Variants in MACROD2 observed in about 807,000 individuals in gnomAD.
MACROD2 encodes the protein mono-ADP ribosylhydrolase 2.
In MACROD2, 36 loss-of-function variants were observed where a neutral mutation model predicts 70.4. That is an observed-to-expected ratio of 0.51 (90% confidence interval 0.39 to 0.68). The LOEUF (loss-of-function observed/expected upper bound fraction) is 0.68, where lower values mean the gene tolerates loss of function less well. Among genes scored for constraint, MACROD2 ranks in the 30% least tolerant of loss-of-function variants. The pLI is 0.00. For synonymous variants in MACROD2, 172 were observed against 178.8 expected (o/e 0.96, Z 0.30); for missense variants, 496 against 538.4 (o/e 0.92, Z 0.78).
At chr20:15,950,495 T>C (rs1168275051) in intron 12 of MACROD2, among the ~76,000 whole-genome samples, 1 of 152,150 alleles carries the variant, frequency 6.6e-6, no homozygotes, top group Non-Finnish European at 1.5e-5. Context: ...GTGGACCTGC[T>C]TCTTTAACCC....
intron 6 of MACROD2, among the ~76,000 whole-genome samples, chr20:15,307,954 G>GT (rs11394268): frequency 0.45 from 67,962 of 151,764 alleles, 15,722 homozygotes; most frequent in African/African-American, 0.57. Flanking sequence ...GATCTGTTCA[G>GT]TTTTTCTCAT....
At chr20:14,324,504 A>G (rs2082703855) in intron 3 of MACROD2, 1 of 152,596 alleles carries the variant, frequency 6.6e-6, no homozygotes. Context: ...AACCAGATCT[A>G]AATTTGATGT....
At chr20:15,693,725 T>G (rs927736271) in intron 8 of MACROD2, among the ~76,000 whole-genome samples, 2 of 152,166 alleles carry the variant, frequency 1.3e-5, no homozygotes, top group African/African-American at 4.8e-5. Context: ...TTATTATTAT[T>G]ATTTTCATAA....
chr20:14,534,607 T>C (rs1047430512), intron 4 of MACROD2, among the ~76,000 whole-genome samples: 3 of 152,274 alleles, frequency 2.0e-5, no homozygotes, highest in Non-Finnish European at 1.5e-5. Flanking sequence ...AGCATTTCAA[T>C]GTGTAGCATT....
chr20:14,077,987 C>T (rs1335693953), intron 2 of MACROD2, among the ~76,000 whole-genome samples: 1 of 150,944 alleles, frequency 6.6e-6, no homozygotes, highest in Non-Finnish European at 1.5e-5. Flanking sequence ...ACTGCAACCT[C>T]TGCCTCCTGG....
At chr20:14,041,128 A>T (rs898650153) in intron 2 of MACROD2, among the ~76,000 whole-genome samples, 3 of 152,190 alleles carry the variant, frequency 2.0e-5, no homozygotes, top group African/African-American at 7.2e-5. Flanking sequence ...CATCTGTAAA[A>T]CTATGTAGAT....
chr20:14,015,868 C>T (rs2052982547), intron 2 of MACROD2, among the ~76,000 whole-genome samples: 1 of 152,148 alleles, frequency 6.6e-6, no homozygotes, highest in Admixed American at 6.6e-5. Flanking sequence ...TCTGTTTATC[C>T]ATTTAACTGT....
intron 3 of MACROD2, among the ~76,000 whole-genome samples, chr20:14,392,136 T>C (rs1208133143): frequency 6.6e-6 from 1 of 152,100 alleles, no homozygotes; most frequent in East Asian, 1.9e-4. Context: ...ATATAGACTT[T>C]CTGAGTCCTA....
chr20:15,076,552 C>CT (rs928077347), intron 5 of MACROD2, among the ~76,000 whole-genome samples: 6 of 152,032 alleles, frequency 3.9e-5, no homozygotes, highest in Admixed American at 3.9e-4. Context: ...TAGCAACTCC[C>CT]TTTTGGCAGG....
At chr20:15,159,377 C>T (rs378059) in intron 5 of MACROD2, among the ~76,000 whole-genome samples, 89,624 of 151,736 alleles carry the variant, frequency 0.59, 26,607 homozygotes, top group East Asian at 0.65. Context: ...GGAAATTTTG[C>T]AGAAATAAGA....
Position 15,553,818 on chromosome 20 carries a change from G to A in MACROD2, c.645+53971G>A, listed in dbSNP as rs569806305. On this transcript the variant is annotated intron_variant, in intron 8 of 17. Transcript: ENST00000684519. ...CAAAGAATTGCAAAAAAAGATCAAT[G>A]TCCTACAGAATAAAGCAGATAGAGG... 1.4e-4 allele frequency among the ~76,000 whole-genome samples: 21 copies of A among 152,326 alleles called. No homozygotes were observed. In the South Asian group the frequency reaches 1.9e-3, roughly 14 times the overall value.
chr20:14,420,739 C>G (rs1245342806), intron 3 of MACROD2, among the ~76,000 whole-genome samples: 1 of 152,144 alleles, frequency 6.6e-6, no homozygotes, highest in Non-Finnish European at 1.5e-5. Context: ...GTCACCTAGG[C>G]TGGAGTTCAG....
chr20:14,757,984 T>A, intron 5 of MACROD2: 1 of 822,874 alleles, frequency 1.2e-6, no homozygotes, highest in South Asian at 1.3e-5. Flanking sequence ...AAGCCGAGGC[T>A]GGGACTGGGT....
intron 6 of MACROD2, among the ~76,000 whole-genome samples, chr20:15,311,213 A>G (rs1239008338): frequency 6.6e-6 from 1 of 151,892 alleles, no homozygotes; most frequent in Non-Finnish European, 1.5e-5. Flanking sequence ...ATTAATGATG[A>G]AAAAAAAGGC....
chr20:14,236,529 T>C (rs1270862702), intron 3 of MACROD2, among the ~76,000 whole-genome samples: 2 of 152,016 alleles, frequency 1.3e-5, no homozygotes, highest in East Asian at 1.9e-4. Context: ...ATTTAGAAAA[T>C]ACGAAAATGA....
chr20:15,285,161 C>G (rs569815730), intron 6 of MACROD2, among the ~76,000 whole-genome samples: 3 of 152,250 alleles, frequency 2.0e-5, no homozygotes, highest in African/African-American at 7.2e-5. Context: ...TTCATTTTCT[C>G]TGGATAGCTA....
intron 6 of MACROD2, among the ~76,000 whole-genome samples, chr20:15,328,064 G>T (rs1056262580): frequency 1.1e-4 from 16 of 152,062 alleles, no homozygotes; most frequent in Non-Finnish European, 1.6e-4. Flanking sequence ...AGGATCAGAA[G>T]GGTCAAATAA....
Position 14,268,233 on chromosome 20 carries a change from T to C in MACROD2, c.271+182505T>C, listed in dbSNP as rs567329822. ...TATACTTTAGCTTAGCAGAATGTCA[T>C]TATCACAACTAACAAAACTGACACT... On this transcript the variant is annotated intron_variant, in intron 3 of 17. Coordinates refer to ENST00000684519, the MANE Select transcript of MACROD2 (RefSeq NM_001351661.2). 1.7e-3 allele frequency among the ~76,000 whole-genome samples: 265 copies of C among 152,252 alleles called. 1 individual carries two copies. Among genetic ancestry groups the C allele is most frequent in the Non-Finnish European group, 3.0e-3 (202 of 67,968 alleles).
chr20:14,654,066 T>C (rs192008442), intron 4 of MACROD2, among the ~76,000 whole-genome samples: 3 of 152,204 alleles, frequency 2.0e-5, no homozygotes, highest in African/African-American at 7.2e-5. Flanking sequence ...AAGGGAAAAA[T>C]AAGGTGTGAA....
Sources: gnomAD v4.1 joint callset for allele counts (sites outside exome capture counted in the v4.1 genomes callset) on GRCh38, gnomAD v4.1.1 for gene constraint, MANE v1.5 for transcripts, NCBI Gene and HGNC (gene_info 2026-07-23, HGNC 2026-07-21) for gene names.